The following DLG2 variants were observed in gnomAD, a reference collection of about 807,000 sequenced individuals.
DLG2 encodes disks large homolog 2.
In DLG2, 45 loss-of-function variants were observed where a neutral mutation model predicts 132.5. The observed-to-expected ratio is 0.34, with a 90% CI of 0.27 to 0.44. DLG2 has a LOEUF of 0.44. Among genes scored for constraint, DLG2 ranks in the 20% least tolerant of loss-of-function variants. DLG2 has a pLI of 1.00. For missense variants in DLG2, 1,045 were observed against 1,196.9 expected (o/e 0.87, Z 1.87); for synonymous variants, 424 against 419.6 (o/e 1.01, Z -0.13).
intron 14 of DLG2, among the ~76,000 whole-genome samples, chr11:83,933,682 T>C (rs1287177116): frequency 6.6e-6 from 1 of 152,166 alleles, no homozygotes; most frequent in African/African-American, 2.4e-5. Context: ...TTAGGAAAAC[T>C]ACTTTGCCTA....
chr11:83,671,065 T>A (rs893269190), intron 18 of DLG2, among the ~76,000 whole-genome samples: 9 of 152,220 alleles, frequency 5.9e-5, no homozygotes, highest in Non-Finnish European at 1.0e-4. Flanking sequence ...ATTTAATTTT[T>A]AAAAATTTTA....
chr11:83,604,074 A>C (rs501473), intron 19 of DLG2, among the ~76,000 whole-genome samples: 47,322 of 152,128 alleles, frequency 0.31, 8,508 homozygotes, highest in East Asian at 0.5. Flanking sequence ...TATATTCATG[A>C]ATATCTTTGC....
At chr11:84,855,022 C>T (rs560387025) in intron 6 of DLG2, among the ~76,000 whole-genome samples, 31 of 152,158 alleles carry the variant, frequency 2.0e-4, no homozygotes, top group Non-Finnish European at 4.4e-5. Context: ...AGTTGGTTGA[C>T]AGATTCAAAT....
intron 3 of DLG2, among the ~76,000 whole-genome samples, chr11:85,409,471 T>C (rs913527595): frequency 4.0e-5 from 6 of 151,744 alleles, no homozygotes; most frequent in African/African-American, 7.3e-5. Context: ...AAAATTATGG[T>C]CAGGAGTATC....
At chr11:84,476,308 G>A (rs1301124706) in intron 7 of DLG2, among the ~76,000 whole-genome samples, 1 of 152,008 alleles carries the variant, frequency 6.6e-6, no homozygotes. Context: ...TACAGGAAAA[G>A]GTTTTAAATC....
At chr11:85,395,524 T>C (rs1033304532) in intron 3 of DLG2, among the ~76,000 whole-genome samples, 3 of 152,126 alleles carry the variant, frequency 2.0e-5, no homozygotes, top group African/African-American at 7.2e-5. Context: ...TGACAGGCCA[T>C]ACCTAGAGAA....
At chr11:84,926,548 T>C (rs2092984320) in intron 6 of DLG2, among the ~76,000 whole-genome samples, 1 of 152,064 alleles carries the variant, frequency 6.6e-6, no homozygotes, top group African/African-American at 2.4e-5. Flanking sequence ...GTGAGGCTAT[T>C]TGTATTTGTA....
intron 3 of DLG2, among the ~76,000 whole-genome samples, chr11:85,437,375 G>A (rs1012065884): frequency 2.0e-5 from 3 of 151,860 alleles, no homozygotes; most frequent in Non-Finnish European, 2.9e-5. Context: ...GGGTAACATG[G>A]GATGTTTCAT....
chr11:83,772,312 A>T (rs2094427262), intron 18 of DLG2, among the ~76,000 whole-genome samples: 1 of 151,972 alleles, frequency 6.6e-6, no homozygotes. Context: ...TGGAAGGCTG[A>T]GGTGGGAGGA....
At position 83,841,235 on chromosome 11, in the gene DLG2, A is replaced by G. The variant is rs571166363; in HGVS notation, c.1566-7465T>C. Among the ~76,000 whole-genome samples the G allele has an allele frequency of 3.3e-5, 5 of 152,384 alleles. No homozygotes were observed. In the South Asian group the frequency reaches 1.0e-3, roughly 32 times the overall value. ...CAGTCAACATCTGATGATTGAATAA[A>G]TAAACACAATTTATAAATAACTCAA... On this transcript the variant is annotated intron_variant, in intron 16 of 27. Transcript: ENST00000376104.
chr11:84,300,578 C>T (rs2098140578), intron 7 of DLG2, among the ~76,000 whole-genome samples: 1 of 152,158 alleles, frequency 6.6e-6, no homozygotes, highest in African/African-American at 2.4e-5. Flanking sequence ...TTCCTTCCTT[C>T]CTTCCTTCAT....
intron 7 of DLG2, among the ~76,000 whole-genome samples, chr11:84,367,521 T>G (rs2098689060): frequency 6.6e-6 from 1 of 152,150 alleles, no homozygotes; most frequent in African/African-American, 2.4e-5. Context: ...GAAATTCATA[T>G]TGGAACTTAA....
intron 6 of DLG2, among the ~76,000 whole-genome samples, chr11:84,652,236 T>G (rs2099682912): frequency 6.6e-6 from 1 of 152,216 alleles, no homozygotes; most frequent in Non-Finnish European, 1.5e-5. Flanking sequence ...TTTGTGTGTG[T>G]GCCTGTTTGT....
chr11:84,112,110 T>C (rs2154193235), intron 9 of DLG2, among the ~76,000 whole-genome samples: 1 of 152,130 alleles, frequency 6.6e-6, no homozygotes, highest in Non-Finnish European at 1.5e-5. Flanking sequence ...CCTCCCGGGT[T>C]CATGCCATTC....
intron 7 of DLG2, among the ~76,000 whole-genome samples, chr11:84,418,757 T>G (rs927954865): frequency 6.6e-6 from 1 of 152,334 alleles, no homozygotes; most frequent in South Asian, 2.1e-4. Context: ...CAACCTAGAA[T>G]AAATACGCTT....
chr11:84,997,125 A>G (rs1415847308), intron 6 of DLG2: 1 of 153,172 alleles, frequency 6.5e-6, no homozygotes, highest in Non-Finnish European at 1.5e-5. Flanking sequence ...TCTGATTTGT[A>G]ATCTTAGGTA....
At chr11:85,112,861 G>C (rs1482438649) in intron 5 of DLG2, among the ~76,000 whole-genome samples, 1 of 151,984 alleles carries the variant, frequency 6.6e-6, no homozygotes, top group African/African-American at 2.4e-5. Flanking sequence ...TCTTTAATGG[G>C]AGGTAAGCCA....
chr11:83,652,586 G>C (rs2153521760), intron 18 of DLG2, among the ~76,000 whole-genome samples: 1 of 152,294 alleles, frequency 6.6e-6, no homozygotes, highest in Non-Finnish European at 1.5e-5. Flanking sequence ...TGGCCAGGCT[G>C]GTCTCAAACT....
intron 6 of DLG2, among the ~76,000 whole-genome samples, chr11:84,731,340 C>T (rs1408994526): frequency 2.0e-5 from 3 of 151,946 alleles, no homozygotes; most frequent in Non-Finnish European, 2.9e-5. Flanking sequence ...CAGATCAATG[C>T]AGTGCTGGCC....
Sources: gnomAD v4.1 joint callset for allele counts (sites outside exome capture counted in the v4.1 genomes callset) on GRCh38, gnomAD v4.1.1 for gene constraint, MANE v1.5 for transcripts, NCBI Gene and HGNC (gene_info 2026-07-23, HGNC 2026-07-21) for gene names.